VTA1: variants seen among roughly 807,000 people sequenced by gnomAD.
The protein encoded by VTA1 is vacuolar protein sorting-associated protein VTA1 homolog.
In VTA1, 24 loss-of-function variants were observed where a neutral mutation model predicts 36.9. That is an observed-to-expected ratio of 0.65 (90% CI 0.47 to 0.91). The LOEUF (loss-of-function observed/expected upper bound fraction) is 0.91, where lower values mean the gene tolerates loss of function less well. Ranked by LOEUF, VTA1 falls within the 40% of genes least tolerant of loss-of-function variation. VTA1 has a pLI of 0.00. For synonymous variants in VTA1, 142 were observed against 130.2 expected, an observed-to-expected ratio of 1.09 and a Z score of -0.62; for missense variants, 393 against 377.2, an observed-to-expected ratio of 1.04 and a Z score of -0.35.
In VTA1 at chr6:142,218,748, G is replaced by C; in HGVS notation, c.*105G>C. On this transcript the variant is annotated 3_prime_UTR_variant, in exon 8 of 8. Transcript: ENST00000367630. ...ACAGTTTTAAGGAAGACTTGGTTTTGTTGAATATGACAATGAAATCTGTGT... is the reference window on the plus strand; with the variant it reads ...ACAGTTTTAAGGAAGACTTGGTTTTCTTGAATATGACAATGAAATCTGTGT... 7.6e-7 allele frequency: 1 copy of C among 1,314,760 alleles called. No individual in the cohort carries two copies. Among genetic ancestry groups the C allele is most frequent in the Non-Finnish European group, 1.0e-6 (1 of 985,484 alleles). The allele number at this position is 1,314,760 out of a possible 1,614,324, so 81.4% of individuals were successfully genotyped here.
intron 6 of VTA1, among the ~76,000 whole-genome samples, chr6:142,201,631 G>A (rs915048923): frequency 1.3e-5 from 2 of 151,914 alleles, no homozygotes; most frequent in Non-Finnish European, 2.9e-5. Flanking sequence ...ATTAAAGCTA[G>A]CCTTTCATTG....
intron 5 of VTA1, among the ~76,000 whole-genome samples, chr6:142,190,518 G>A (rs1443006171): frequency 6.6e-6 from 1 of 151,950 alleles, no homozygotes; most frequent in African/African-American, 2.4e-5. Context: ...AAAAATAAAG[G>A]TCTCATTATT....
At chr6:142,156,525 G>C (rs901581359) in intron 1 of VTA1, among the ~76,000 whole-genome samples, 11 of 152,120 alleles carry the variant, frequency 7.2e-5, no homozygotes, top group Admixed American at 3.9e-4. Context: ...TTTTGATTCT[G>C]CCAGGTTTGG....
intron 1 of VTA1, among the ~76,000 whole-genome samples, chr6:142,161,077 T>TCCCCCCCCC (rs199666023): frequency 1.1e-5 from 1 of 90,828 alleles, no homozygotes; most frequent in African/African-American, 5.4e-5. Context: ...GCTTCCTTCC[T>TCCCCCCCCC]TCCCCCCCCC....
At chr6:142,178,861 T>C (rs1285401284) in intron 4 of VTA1, among the ~76,000 whole-genome samples, 1 of 152,050 alleles carries the variant, frequency 6.6e-6, no homozygotes, top group East Asian at 1.9e-4. Context: ...TAAGAGATAC[T>C]GTTCAAATAC....
At chr6:142,216,881 G>T (rs1776013509) in intron 7 of VTA1, among the ~76,000 whole-genome samples, 1 of 152,124 alleles carries the variant, frequency 6.6e-6, no homozygotes, top group Non-Finnish European at 1.5e-5. Flanking sequence ...TTAAAAGAGT[G>T]CCCTGAGATA....
At chr6:142,215,239 C>T (rs571927667) in intron 7 of VTA1, among the ~76,000 whole-genome samples, 36 of 152,184 alleles carry the variant, frequency 2.4e-4, no homozygotes, top group African/African-American at 8.2e-4. Context: ...GAGATTGAGA[C>T]CATCTTGGCT....
chr6:142,196,242 TTTGTG>T (rs1398928213), intron 5 of VTA1, among the ~76,000 whole-genome samples: 1 of 152,212 alleles, frequency 6.6e-6, no homozygotes, highest in Non-Finnish European at 1.5e-5. Flanking sequence ...CAGCTTGGTA[TTTGTG>T]TTAACGTTTT....
chr6:142,155,681 G>T (rs1328445959), intron 1 of VTA1, among the ~76,000 whole-genome samples: 2 of 152,042 alleles, frequency 1.3e-5, no homozygotes, highest in East Asian at 3.9e-4. Flanking sequence ...GCACTTGGTT[G>T]TCTCCAAGCC....
intron 6 of VTA1, among the ~76,000 whole-genome samples, chr6:142,202,249 G>A (rs1453177245): frequency 6.6e-6 from 1 of 151,864 alleles, no homozygotes; most frequent in East Asian, 1.9e-4. Context: ...TATTTGGTGA[G>A]TACTTATCAA....
intron 4 of VTA1, among the ~76,000 whole-genome samples, chr6:142,181,356 A>G (rs1224193355): frequency 2.7e-5 from 4 of 148,126 alleles, no homozygotes; most frequent in African/African-American, 9.8e-5. Context: ...GATGGTCTCA[A>G]TCTCCTGACC....
At chr6:142,166,709 C>T (rs1774922972) in intron 2 of VTA1, among the ~76,000 whole-genome samples, 1 of 151,994 alleles carries the variant, frequency 6.6e-6, no homozygotes, top group Non-Finnish European at 1.5e-5. Context: ...GCAACCCCCA[C>T]CTCCCAGGTT....
chr6:142,197,643 A>G (rs2114672550), intron 5 of VTA1, among the ~76,000 whole-genome samples: 1 of 152,340 alleles, frequency 6.6e-6, no homozygotes, highest in Non-Finnish European at 1.5e-5. Context: ...ACAGATAATC[A>G]TTTAGTAGCT....
At chr6:142,200,192 T>G (rs1382712193) in intron 6 of VTA1, among the ~76,000 whole-genome samples, 5 of 152,120 alleles carry the variant, frequency 3.3e-5, no homozygotes, top group Admixed American at 6.5e-5. Flanking sequence ...TAATCATACT[T>G]ACTTCTCATG....
intron 3 of VTA1, 105 bp downstream of exon 3, chr6:142,169,782 GTT>G: frequency 9.1e-7 from 1 of 1,096,672 alleles, no homozygotes; most frequent in Non-Finnish European, 1.2e-6. Flanking sequence ...ATTGATTTAG[GTT>G]TTTTTAGAAA....
intron 7 of VTA1, among the ~76,000 whole-genome samples, chr6:142,208,986 G>A (rs1261299290): frequency 1.3e-5 from 2 of 152,118 alleles, no homozygotes; most frequent in African/African-American, 4.8e-5. Context: ...TAATTTTTTA[G>A]TATAGAGCAA....
intron 6 of VTA1, among the ~76,000 whole-genome samples, chr6:142,202,305 C>G (rs6940882): frequency 0.2 from 29,845 of 151,828 alleles, 3,699 homozygotes; most frequent in East Asian, 0.68. Context: ...TAAGATTTGG[C>G]TGTCTCCTCA....
At chr6:142,173,366 A>G (rs576274228) in intron 4 of VTA1, among the ~76,000 whole-genome samples, 1 of 152,340 alleles carries the variant, frequency 6.6e-6, no homozygotes, top group African/African-American at 2.4e-5. Context: ...GATAAGGCAA[A>G]GTAACAGATC....
chr6:142,184,310 C>T (rs1775299699), intron 4 of VTA1, among the ~76,000 whole-genome samples: 1 of 152,076 alleles, frequency 6.6e-6, no homozygotes, highest in African/African-American at 2.4e-5. Context: ...ACAGTATGAC[C>T]TTCAGTAAAT....
Sources: gnomAD v4.1 joint callset for allele counts (sites outside exome capture counted in the v4.1 genomes callset) on GRCh38, gnomAD v4.1.1 for gene constraint, MANE v1.5 for transcripts, NCBI Gene and HGNC (gene_info 2026-07-23, HGNC 2026-07-21) for gene names.